Variants in NAV2 observed in about 807,000 individuals in gnomAD.
NAV2 encodes the protein neuron navigator 2.
Under a neutral mutation model 223.2 loss-of-function variants are expected in NAV2, and 54 were observed. That is an observed-to-expected ratio of 0.24 (90% CI 0.19 to 0.30). The LOEUF (loss-of-function observed/expected upper bound fraction) is 0.30, where lower values mean the gene tolerates loss of function less well. Among genes scored for constraint, NAV2 ranks in the 10% least tolerant of loss-of-function variants. The pLI, the probability that NAV2 is intolerant of heterozygous loss-of-function variation, is 1.00. For synonymous variants in NAV2, 1,279 were observed against 1,239.3 expected, an observed-to-expected ratio of 1.03 and a Z score of -0.67; for missense variants, 2,806 against 3,147.5, an observed-to-expected ratio of 0.89 and a Z score of 2.60.
intron 1 of NAV2, among the ~76,000 whole-genome samples, chr11:19,404,471 A>G (rs561763967): frequency 1.3e-5 from 2 of 152,348 alleles, no homozygotes; most frequent in African/African-American, 4.8e-5. Flanking sequence ...GGGAAAGATC[A>G]GAATTCATTG....
intron 11 of NAV2, among the ~76,000 whole-genome samples, chr11:19,993,648 G>C (rs1479477764): frequency 2.6e-5 from 4 of 152,052 alleles, no homozygotes; most frequent in African/African-American, 7.2e-5. Context: ...AGTAATATCA[G>C]ATGCCAGGCA....
chr11:19,953,968 T>C (rs964963984), intron 10 of NAV2, among the ~76,000 whole-genome samples: 15 of 152,160 alleles, frequency 9.9e-5, no homozygotes, highest in African/African-American at 3.6e-4. Flanking sequence ...AGCAGGTATT[T>C]AATATTTTGA....
At chr11:19,918,204 G>T (rs578007654) in intron 6 of NAV2, among the ~76,000 whole-genome samples, 1 of 152,344 alleles carries the variant, frequency 6.6e-6, no homozygotes, top group East Asian at 1.9e-4. Context: ...AAACTGAGAG[G>T]ATAACATTGC....
At chr11:19,636,049 A>G (rs1411850065) in intron 1 of NAV2, among the ~76,000 whole-genome samples, 1 of 152,236 alleles carries the variant, frequency 6.6e-6, no homozygotes, top group Non-Finnish European at 1.5e-5. Flanking sequence ...TGAAATGACA[A>G]CGAACTTATC....
chr11:20,076,368 A>T (rs1489893120), intron 22 of NAV2, among the ~76,000 whole-genome samples: 1 of 152,218 alleles, frequency 6.6e-6, no homozygotes, highest in East Asian at 1.9e-4. Flanking sequence ...GGATACAGTA[A>T]GGAGCAAGGT....
chr11:19,994,433 G>A (rs978313981), intron 11 of NAV2, among the ~76,000 whole-genome samples: 2 of 152,138 alleles, frequency 1.3e-5, no homozygotes, highest in Non-Finnish European at 1.5e-5. Flanking sequence ...TGTAATCCCA[G>A]CTGCGCAGCA....
chr11:19,929,856 G>T (rs541823951), intron 6 of NAV2, among the ~76,000 whole-genome samples: 2 of 152,150 alleles, frequency 1.3e-5, no homozygotes, highest in Non-Finnish European at 2.9e-5. Context: ...TCCCAGACCA[G>T]GGGAATAACT....
intron 11 of NAV2, among the ~76,000 whole-genome samples, chr11:20,001,466 C>T (rs886646063): frequency 6.6e-6 from 1 of 152,114 alleles, no homozygotes; most frequent in African/African-American, 2.4e-5. Context: ...CTGAAATGAA[C>T]TCCAGTTTTA....
chr11:19,930,385 A>G (rs1284573150), intron 6 of NAV2, among the ~76,000 whole-genome samples: 1 of 152,188 alleles, frequency 6.6e-6, no homozygotes, highest in East Asian at 1.9e-4. Flanking sequence ...AAGCGGTAAG[A>G]TCACATTGAT....
At chr11:19,583,119 AT>A (rs1483185313) in intron 1 of NAV2, among the ~76,000 whole-genome samples, 1 of 152,062 alleles carries the variant, frequency 6.6e-6, no homozygotes, top group Admixed American at 6.6e-5. Context: ...ATTCCTAGGT[AT>A]TTTGTTCTCT....
chr11:19,409,235 T>C (rs1242670866), intron 1 of NAV2, among the ~76,000 whole-genome samples: 2 of 152,158 alleles, frequency 1.3e-5, no homozygotes, highest in Non-Finnish European at 2.9e-5. Context: ...TGCTTGAGGG[T>C]TTAAAAAAGA....
intron 1 of NAV2, among the ~76,000 whole-genome samples, chr11:19,543,052 T>C (rs1023716252): frequency 9.2e-5 from 14 of 152,238 alleles, no homozygotes; most frequent in Non-Finnish European, 1.3e-4. Context: ...TATTATCTTT[T>C]CCAAATTCTG....
chr11:19,432,160 T>G (rs1002630245), intron 1 of NAV2, among the ~76,000 whole-genome samples: 3 of 147,636 alleles, frequency 2.0e-5, no homozygotes, highest in African/African-American at 7.6e-5. Context: ...ATTGCACCAC[T>G]GCACTCCAGC....
At chr11:19,351,049 G>A (rs1341031020) in intron 1 of NAV2, 1 of 1,516,192 alleles carries the variant, frequency 6.6e-7, no homozygotes. Flanking sequence ...AACTTTGTTG[G>A]TTGATTGGAT....
intron 1 of NAV2, among the ~76,000 whole-genome samples, chr11:19,577,715 G>C (rs1310911431): frequency 2.6e-5 from 4 of 152,292 alleles, no homozygotes; most frequent in East Asian, 1.9e-4. Context: ...TGTGTGGATG[G>C]GGGTGTGGGT....
chr11:19,368,252 C>T (rs1470370147), intron 1 of NAV2, among the ~76,000 whole-genome samples: 4 of 152,236 alleles, frequency 2.6e-5, no homozygotes, highest in Non-Finnish European at 5.9e-5. Context: ...AGGCAAGGAA[C>T]AGCCAGCCAG....
chr11:19,863,377 G>T (rs2061903081), intron 3 of NAV2, among the ~76,000 whole-genome samples: 2 of 152,118 alleles, frequency 1.3e-5, no homozygotes, highest in South Asian at 4.1e-4. Flanking sequence ...GTGGTATATT[G>T]CATCCTGTAT....
At chr11:20,006,354 A>C (rs993173333) in intron 11 of NAV2, among the ~76,000 whole-genome samples, 7 of 151,936 alleles carry the variant, frequency 4.6e-5, no homozygotes, top group Non-Finnish European at 2.9e-5. Context: ...CTTCTGAAAA[A>C]TGTTTAACCC....
intron 2 of NAV2, among the ~76,000 whole-genome samples, chr11:19,838,432 G>A (rs1219925965): frequency 3.3e-5 from 5 of 152,272 alleles, no homozygotes; most frequent in Middle Eastern, 3.4e-3. Context: ...GGCATTCCCA[G>A]CAGAGAAAAT....
Sources: allele counts gnomAD v4.1 joint callset (sites outside exome capture counted in the v4.1 genomes callset), GRCh38; gene constraint gnomAD v4.1.1; transcripts MANE v1.5; gene names NCBI Gene and HGNC (gene_info 2026-07-23, HGNC 2026-07-21).